Variants in ZNF804B observed in about 807,000 individuals in gnomAD.
The protein encoded by ZNF804B is zinc finger protein 804B.
ZNF804B carries 80 observed loss-of-function variants against 101.4 expected under a neutral mutation model. The observed-to-expected ratio is 0.79, with a 90% confidence interval of 0.66 to 0.95. The LOEUF is 0.95. ZNF804B is among the 40% of genes least tolerant of loss of function. The pLI is 0.00. For missense variants in ZNF804B, 1,673 were observed against 1,561.9 expected, an observed-to-expected ratio of 1.07 and a Z score of -1.20; for synonymous variants, 622 against 558.8, an observed-to-expected ratio of 1.11 and a Z score of -1.59.
intron 1 of ZNF804B, among the ~76,000 whole-genome samples, chr7:89,044,813 A>G (rs1789076436): frequency 6.6e-6 from 1 of 152,154 alleles, no homozygotes; most frequent in Non-Finnish European, 1.5e-5. Flanking sequence ...AAGTTTGGAA[A>G]ATTTACAGCC....
chr7:89,151,496 A>G (rs1790875437), intron 1 of ZNF804B, among the ~76,000 whole-genome samples: 1 of 152,122 alleles, frequency 6.6e-6, no homozygotes, highest in Non-Finnish European at 1.5e-5. Context: ...AATTGAACTC[A>G]CAGAAAATAA....
intron 1 of ZNF804B, among the ~76,000 whole-genome samples, chr7:88,781,454 T>C (rs1022349362): frequency 2.6e-5 from 4 of 152,250 alleles, no homozygotes; most frequent in Admixed American, 2.6e-4. Flanking sequence ...CTTGACTAAT[T>C]GGTCTAACAT....
chr7:89,145,920 T>G (rs1790785167), intron 1 of ZNF804B, among the ~76,000 whole-genome samples: 1 of 152,094 alleles, frequency 6.6e-6, no homozygotes, highest in Admixed American at 6.6e-5. Context: ...TCTATTTATT[T>G]TCTCAATTCT....
intron 1 of ZNF804B, among the ~76,000 whole-genome samples, chr7:88,772,596 G>A (rs986492166): frequency 2.0e-5 from 3 of 152,278 alleles, no homozygotes; most frequent in Non-Finnish European, 4.4e-5. Context: ...AATACAACAT[G>A]TGATCTGATT....
At chr7:89,322,830 A>G (rs113690779) in intron 2 of ZNF804B, among the ~76,000 whole-genome samples, 3,045 of 152,332 alleles carry the variant, frequency 0.02, 95 homozygotes, top group African/African-American at 0.069. Context: ...ACATGGCTTC[A>G]GTGGTGACTC....
At chr7:89,085,416 A>C (rs1016499332) in intron 1 of ZNF804B, among the ~76,000 whole-genome samples, 2 of 151,976 alleles carry the variant, frequency 1.3e-5, no homozygotes, top group South Asian at 2.1e-4. Flanking sequence ...CTGTTTTAGT[A>C]GTTGAAAAAT....
chr7:89,204,309 A>G (rs1186189180), intron 1 of ZNF804B, among the ~76,000 whole-genome samples: 1 of 152,206 alleles, frequency 6.6e-6, no homozygotes, highest in Non-Finnish European at 1.5e-5. Context: ...ATTTAGATGA[A>G]TGCAATATGT....
chr7:89,310,308 T>C lies in ZNF804B; in HGVS notation c.250-17036T>C, dbSNP rs923452722. On this transcript the variant is annotated intron_variant, in intron 2 of 3. Transcript: ENST00000333190. ...TTGAATATAGATTCTTGGTTAGGAG[T>C]AAAAGAAACCTTATTTGATTAAGCC... Among the ~76,000 whole-genome samples, 5 of 152,072 alleles carry C rather than the reference T, an allele frequency of 3.3e-5. No homozygotes were observed. The South Asian group carries it at 1.0e-3, about 32-fold the overall frequency.
At chr7:88,782,343 T>C (rs1054742207) in intron 1 of ZNF804B, among the ~76,000 whole-genome samples, 1 of 152,162 alleles carries the variant, frequency 6.6e-6, no homozygotes, top group Admixed American at 6.6e-5. Flanking sequence ...GCAAAGCCTT[T>C]CTCGTACAGC....
chr7:88,848,702 A>G (rs944897175), intron 1 of ZNF804B, among the ~76,000 whole-genome samples: 3 of 106,938 alleles, frequency 2.8e-5, no homozygotes, highest in African/African-American at 6.5e-5. Context: ...AGAAGGGCAT[A>G]TAGATTGGTA....
At chr7:89,053,847 G>A (rs2116270291) in intron 1 of ZNF804B, among the ~76,000 whole-genome samples, 1 of 152,078 alleles carries the variant, frequency 6.6e-6, no homozygotes. Context: ...GAAAATTGTA[G>A]GCAGAAATTG....
At chr7:88,949,156 G>T (rs1478797202) in intron 1 of ZNF804B, among the ~76,000 whole-genome samples, 1 of 151,600 alleles carries the variant, frequency 6.6e-6, no homozygotes, top group African/African-American at 2.4e-5. Context: ...ATATGATCAT[G>T]GCGTGTAAGT....
At chr7:89,202,189 G>T (rs1261872913) in intron 1 of ZNF804B, among the ~76,000 whole-genome samples, 3 of 152,098 alleles carry the variant, frequency 2.0e-5, no homozygotes, top group East Asian at 3.9e-4. Flanking sequence ...GAAATGTGAA[G>T]ACAATTTTAA....
chr7:88,940,768 A>AAATAATAATAATAATAATAATAAT (rs71120045), intron 1 of ZNF804B, among the ~76,000 whole-genome samples: 1 of 139,488 alleles, frequency 7.2e-6, no homozygotes, highest in Non-Finnish European at 1.5e-5. Context: ...ACCCTATTTA[A>AAATAATAATAATAATAATAATAAT]AATAATAATA....
intron 2 of ZNF804B, among the ~76,000 whole-genome samples, chr7:89,300,708 C>T (rs568046952): frequency 6.6e-6 from 1 of 151,924 alleles, no homozygotes; most frequent in African/African-American, 2.4e-5. Flanking sequence ...ATACTGAGTG[C>T]CTAAATCATG....
At chr7:89,045,694 C>T (rs917433245) in intron 1 of ZNF804B, among the ~76,000 whole-genome samples, 19 of 152,140 alleles carry the variant, frequency 1.2e-4, no homozygotes, top group East Asian at 1.9e-4. Context: ...TTGGCCATTT[C>T]GTCTCATTTG....
intron 1 of ZNF804B, among the ~76,000 whole-genome samples, chr7:89,215,883 CTAAATAAATAAATAAATAAA>C (rs71102024): frequency 1.4e-5 from 2 of 143,100 alleles, no homozygotes; most frequent in Admixed American, 7.0e-5. Context: ...GACTCCGTCT[CTAAATAAATAAATAAATAAA>C]TAAATAAATA....
At chr7:88,954,518 A>C (rs1362122011) in intron 1 of ZNF804B, among the ~76,000 whole-genome samples, 1 of 150,594 alleles carries the variant, frequency 6.6e-6, no homozygotes, top group African/African-American at 2.4e-5. Flanking sequence ...CAAAGATGTC[A>C]ATTAGCATGC....
intron 2 of ZNF804B, among the ~76,000 whole-genome samples, chr7:89,221,287 C>T (rs924923542): frequency 2.9e-4 from 44 of 151,834 alleles, no homozygotes; most frequent in African/African-American, 9.9e-4. Context: ...TTATAAGCAC[C>T]ACCGCCTGTG....
Sources: allele counts gnomAD v4.1 joint callset (sites outside exome capture counted in the v4.1 genomes callset), GRCh38; gene constraint gnomAD v4.1.1; transcripts MANE v1.5; gene names NCBI Gene and HGNC (gene_info 2026-07-23, HGNC 2026-07-21).